Variants in VAMP4 observed in about 807,000 individuals in gnomAD.
The protein encoded by VAMP4 is vesicle associated membrane protein 4.
In VAMP4, 19 loss-of-function variants were observed where a neutral mutation model predicts 23.5. The ratio of observed to expected loss-of-function variants is 0.81; its 90% CI spans 0.56 to 1.19. The LOEUF (loss-of-function observed/expected upper bound fraction) is 1.19, where lower values mean the gene tolerates loss of function less well. Among genes scored for constraint, VAMP4 ranks in the 50% most tolerant of loss-of-function variants. The pLI is 0.00. For missense variants in VAMP4, 145 were observed against 168.6 expected, an observed-to-expected ratio of 0.86 and a Z score of 0.78; for synonymous variants, 31 against 51.0, an observed-to-expected ratio of 0.61 and a Z score of 1.67.
intron 4 of VAMP4, among the ~76,000 whole-genome samples, chr1:171,713,737 G>A (rs909268473): frequency 3.3e-5 from 5 of 152,226 alleles, no homozygotes; most frequent in South Asian, 2.1e-4. Flanking sequence ...GGGAGGCTGC[G>A]GTGGGAGATT....
At chr1:171,739,697 G>C (rs1348300322) in intron 1 of VAMP4, among the ~76,000 whole-genome samples, 1 of 152,222 alleles carries the variant, frequency 6.6e-6, no homozygotes, top group African/African-American at 2.4e-5. Context: ...CCCAGCTGGA[G>C]AATCTGCTGC....
At chr1:171,711,491 A>G (rs12081515) in intron 4 of VAMP4, among the ~76,000 whole-genome samples, 13,330 of 152,152 alleles carry the variant, frequency 0.088, 1,009 homozygotes, top group African/African-American at 0.2. Flanking sequence ...TTGTTTGTTC[A>G]TCCTTTATAT....
At chr1:171,710,690 C>T in intron 5 of VAMP4, 24 bp downstream of exon 5, 1 of 1,541,428 alleles carries the variant, frequency 6.5e-7, no homozygotes, top group South Asian at 1.2e-5. Flanking sequence ...TTAGTAATAT[C>T]AAGAAATACA....
chr1:171,729,682 T>C (rs6682452), intron 2 of VAMP4, among the ~76,000 whole-genome samples: 53,276 of 152,082 alleles, frequency 0.35, 9,772 homozygotes, highest in African/African-American at 0.47. Flanking sequence ...TGGTTTGAGA[T>C]GGAGTCTTGC....
At chr1:171,728,712 T>C (rs1026774648) in intron 2 of VAMP4, 142 bp from the exon 3 acceptor site, 1 of 729,332 alleles carries the variant, frequency 1.4e-6, no homozygotes, top group Non-Finnish European at 2.2e-6. Flanking sequence ...TTACATATCC[T>C]TCACTGGAAG....
chr1:171,737,796 G>A (rs1315667085), intron 2 of VAMP4, among the ~76,000 whole-genome samples: 2 of 152,092 alleles, frequency 1.3e-5, no homozygotes, highest in African/African-American at 4.8e-5. Flanking sequence ...TTGTGTATTT[G>A]TATAAAACTC....
intron 1 of VAMP4, among the ~76,000 whole-genome samples, chr1:171,739,359 C>A (rs1016679617): frequency 6.6e-6 from 1 of 152,202 alleles, no homozygotes; most frequent in Admixed American, 6.5e-5. Context: ...AGTTCCTGGA[C>A]GGTGGCACAC....
chr1:171,740,085 T>C (rs778211490), intron 1 of VAMP4, among the ~76,000 whole-genome samples: 4 of 152,248 alleles, frequency 2.6e-5, no homozygotes, highest in Non-Finnish European at 4.4e-5. Flanking sequence ...ATGATGCTTC[T>C]TTAAAGTAGG....
intron 3 of VAMP4, among the ~76,000 whole-genome samples, chr1:171,721,951 A>G (rs1655207638): frequency 6.6e-6 from 1 of 152,202 alleles, no homozygotes; most frequent in African/African-American, 2.4e-5. Context: ...TGCCAAGACA[A>G]TCCTAAGCCA....
intron 2 of VAMP4, among the ~76,000 whole-genome samples, chr1:171,734,866 AC>A (rs1226456025): frequency 6.6e-6 from 1 of 152,186 alleles, no homozygotes; most frequent in African/African-American, 2.4e-5. Flanking sequence ...TTGAGACAAT[AC>A]ATTTTAAATT....
chr1:171,733,688 T>C lies in VAMP4; in HGVS notation c.66+4661A>G, dbSNP rs1296588186. ...CTAGGCAGATAATATTAAGTGTTGG[T>C]GAGGATGTGGAGAAATTAGAATCAT... On this transcript the variant is annotated intron_variant, in intron 2 of 7. Coordinates refer to ENST00000236192, the MANE Select transcript of VAMP4 (RefSeq NM_003762.5). Among the ~76,000 whole-genome samples, 14 of 152,240 alleles carry C rather than the reference T, an allele frequency of 9.2e-5. 1 individual carries two copies. The highest frequency in any genetic ancestry group is 8.3e-4 in the South Asian group (4 of 4,820).
At chr1:171,736,798 A>G (rs1269553832) in intron 2 of VAMP4, among the ~76,000 whole-genome samples, 1 of 152,180 alleles carries the variant, frequency 6.6e-6, no homozygotes, top group East Asian at 1.9e-4. Flanking sequence ...GCAACACGGC[A>G]AAACCCCATC....
At chr1:171,733,871 G>A (rs563027097) in intron 2 of VAMP4, among the ~76,000 whole-genome samples, 99 of 152,208 alleles carry the variant, frequency 6.5e-4, no homozygotes, top group South Asian at 1.9e-3. Flanking sequence ...ACAAAAACTG[G>A]TATGCTAATG....
At chr1:171,713,575 G>A (rs1654924345) in intron 4 of VAMP4, among the ~76,000 whole-genome samples, 1 of 152,156 alleles carries the variant, frequency 6.6e-6, no homozygotes, top group South Asian at 2.1e-4. Context: ...GTTCATGCCT[G>A]TAATCTCAAC....
chr1:171,721,530 A>T (rs1349635763), intron 3 of VAMP4, among the ~76,000 whole-genome samples: 1 of 152,190 alleles, frequency 6.6e-6, no homozygotes, highest in Non-Finnish European at 1.5e-5. Flanking sequence ...TTGAAACACC[A>T]TCTGAAATGT....
chr1:171,737,610 T>G (rs1655785306), intron 2 of VAMP4, among the ~76,000 whole-genome samples: 2 of 152,258 alleles, frequency 1.3e-5, no homozygotes, highest in Non-Finnish European at 2.9e-5. Context: ...TTAGCTAGTT[T>G]ATTTACACAC....
chr1:171,704,719 T>C (rs76747639), intron 7 of VAMP4, among the ~76,000 whole-genome samples, 185 bp from the exon 8 acceptor site: 2,325 of 152,114 alleles, frequency 0.015, 62 homozygotes, highest in African/African-American at 0.051. Flanking sequence ...TAAAACAACC[T>C]AAATGTCTAA....
At chr1:171,733,695 G>A (rs987418529) in intron 2 of VAMP4, among the ~76,000 whole-genome samples, 2 of 152,198 alleles carry the variant, frequency 1.3e-5, no homozygotes, top group Non-Finnish European at 2.9e-5. Context: ...TGGTGAGGAT[G>A]TGGAGAAATT....
At chr1:171,731,308 C>A (rs1209529107) in intron 2 of VAMP4, among the ~76,000 whole-genome samples, 1 of 151,954 alleles carries the variant, frequency 6.6e-6, no homozygotes, top group Non-Finnish European at 1.5e-5. Context: ...GGAGATATAC[C>A]TAATGTTAAA....
Sources: allele counts gnomAD v4.1 joint callset (sites outside exome capture counted in the v4.1 genomes callset), GRCh38; gene constraint gnomAD v4.1.1; transcripts MANE v1.5; gene names NCBI Gene and HGNC (gene_info 2026-07-23, HGNC 2026-07-21).